Variants in ASAH1 observed in about 807,000 individuals in gnomAD.
ASAH1 encodes acid ceramidase.
In ASAH1, 70 loss-of-function variants were observed where a neutral mutation model predicts 59.5. The ratio of observed to expected loss-of-function variants is 1.18; its 90% CI spans 0.97 to 1.43. ASAH1 has a LOEUF of 1.43. Ranked by LOEUF, ASAH1 falls within the 40% of genes most tolerant of loss-of-function variation. The probability of loss-of-function intolerance (pLI) is 0.00; values close to 1 mark genes in which losing one functional copy is unlikely to be tolerated. For missense variants in ASAH1, 660 were observed against 482.5 expected (o/e 1.37, Z -3.45); for synonymous variants, 213 against 166.5 (o/e 1.28, Z -2.15).
chr8:18,062,952 C>A (rs1466788614), intron 7 of ASAH1: 1 of 474,202 alleles, frequency 2.1e-6, no homozygotes, highest in Non-Finnish European at 3.8e-6. Context: ...CTCACTGCAA[C>A]CTCCGCCTCG....
At chr8:18,084,761 G>A (rs1800825972), upstream of ASAH1, 1 of 1,613,676 alleles carries the variant, frequency 6.2e-7, no homozygotes, top group Non-Finnish European at 8.5e-7. Context: ...GGCCCGGTGG[G>A]ACCCGCGAGC....
chr8:18,062,939 C>T (rs1478846905), intron 7 of ASAH1: 7 of 437,736 alleles, frequency 1.6e-5, no homozygotes, highest in East Asian at 4.7e-5. Context: ...GGCGCGATCT[C>T]GGCTCACTGC....
At chr8:18,064,431 C>G in intron 6 of ASAH1, 26 bp downstream of exon 6, 922 of 1,172,538 alleles carry the variant, frequency 7.9e-4, no homozygotes, top group Non-Finnish European at 1.1e-3. Flanking sequence ...CTTCATGCTG[C>G]CCACCCTCCC....
In ASAH1 at chr8:18,059,377, C is replaced by A; in HGVS notation, c.1005G>T (p.Thr335=). The A allele has an allele frequency of 1.2e-6, 2 of 1,614,198 alleles. No homozygotes were observed. Among genetic ancestry groups the A allele is most frequent in the African/African-American group, 1.3e-5 (1 of 75,050 alleles). ...KHPFFLDDRR[T]PAKMCLNRTS... is the part of the protein sequence containing the mutation. ...TGCGGTTCAGACACATCTTTGCAGGCGTTCTGCGATCATCAAGGAAGAAGG... is the reference window on the plus strand; with the variant it reads ...TGCGGTTCAGACACATCTTTGCAGGAGTTCTGCGATCATCAAGGAAGAAGG... The change falls in exon 12 of 14, where the codon ACG becomes ACT. Residue 335 remains threonine (T), a synonymous_variant. Coordinates refer to ENST00000637790, the MANE Select transcript of ASAH1 (RefSeq NM_177924.5).
At chr8:18,067,409 A>G (rs969094106) in intron 4 of ASAH1, 111 bp from the exon 5 acceptor site, 3 of 682,718 alleles carry the variant, frequency 4.4e-6, no homozygotes, top group Non-Finnish European at 2.1e-6. Context: ...GTTCTTGGAC[A>G]TATAATTTTT....
intron 1 of ASAH1, among the ~76,000 whole-genome samples, chr8:18,079,609 A>C (rs953097231): frequency 6.6e-6 from 1 of 152,198 alleles, no homozygotes; most frequent in African/African-American, 2.4e-5. Flanking sequence ...AAAGTCCAGA[A>C]AGCCCTTGTG....
In ASAH1 at chr8:18,057,464, G is replaced by T; in HGVS notation, c.*70C>A. ...TTAGTCTTTGGAAGGTCAGACAGCT[G>T]CAGTGTTCGGTCACATGGAGATGGT... On this transcript the variant is annotated 3_prime_UTR_variant, in exon 14 of 14. Coordinates refer to ENST00000637790, the MANE Select transcript of ASAH1 (RefSeq NM_177924.5). The T allele has an allele frequency of 8.1e-7, 1 of 1,232,594 alleles. No individual in the cohort carries two copies. Among genetic ancestry groups the T allele is most frequent in the Non-Finnish European group, 1.2e-6 (1 of 854,124 alleles). The allele number at this position is 1,232,594 out of a possible 1,614,324, so 76.4% of individuals were successfully genotyped here.
intron 1 of ASAH1, chr8:18,082,462 G>T (rs1235994138): frequency 2.0e-5 from 3 of 152,088 alleles, no homozygotes; most frequent in African/African-American, 7.2e-5. Flanking sequence ...TCTGAGACAT[G>T]ACACACCAAG....
intron 9 of ASAH1, 82 bp from the exon 10 acceptor site, chr8:18,061,540 A>C: frequency 6.9e-7 from 1 of 1,444,008 alleles, no homozygotes; most frequent in Non-Finnish European, 9.8e-7. Flanking sequence ...GCTGGACTAT[A>C]TAACCAGTCA....
At chr8:18,074,740 C>T (rs1800321797) in intron 2 of ASAH1, among the ~76,000 whole-genome samples, 1 of 152,196 alleles carries the variant, frequency 6.6e-6, no homozygotes, top group Non-Finnish European at 1.5e-5. Context: ...TAATGTTAAA[C>T]ACACTGAATC....
chr8:18,084,765 C>A (rs529007086), upstream of ASAH1: 14 of 1,613,506 alleles, frequency 8.7e-6, no homozygotes, highest in African/African-American at 1.3e-5. Context: ...CGGTGGGACC[C>A]GCGAGCTTTC....
At chr8:18,080,705 G>A (rs1036354214) in intron 1 of ASAH1, among the ~76,000 whole-genome samples, 4 of 152,062 alleles carry the variant, frequency 2.6e-5, no homozygotes, top group Non-Finnish European at 4.4e-5. Context: ...CTACAGGCGT[G>A]AGCCACTATG....
chr8:18,058,222 G>A (rs1165191847), intron 13 of ASAH1: 1 of 153,674 alleles, frequency 6.5e-6, no homozygotes, highest in Non-Finnish European at 1.4e-5. Context: ...GAGCCAGGGT[G>A]ACCTGGATGC....
At position 18,078,652 on chromosome 8, in the gene ASAH1, T is replaced by TA. The variant is rs1395997246; in HGVS notation, c.79-3066dup. Among the ~76,000 whole-genome samples, 6 of 152,298 alleles carry TA rather than the reference T, an allele frequency of 3.9e-5. No individual in the cohort carries two copies. In the East Asian group the frequency reaches 1.2e-3, roughly 29 times the overall value. On this transcript the variant is annotated intron_variant, in intron 1 of 13. Coordinates refer to ENST00000637790, the MANE Select transcript of ASAH1 (RefSeq NM_177924.5). ...CCCTAAAACAGAATTATAATGAACT[T>TA]ACTTAATGTTATTTAAAGTTCCTTA...
Position 18,063,233 on chromosome 8 carries a change from A to G in ASAH1, c.458-3T>C, listed in dbSNP as rs1292933041. On this transcript the variant is annotated splice_region_variant and splice_polypyrimidine_tract_variant and intron_variant, in intron 6 of 13. Coordinates refer to ENST00000637790, the MANE Select transcript of ASAH1 (RefSeq NM_177924.5). ...GTTTCTCCCATGTATTAGATGACCT[A>G]TTTGAAGGTAGACAGAAGAGACGTG... 1.9e-6 allele frequency: 3 copies of G among 1,612,716 alleles called. No homozygotes were observed. Among genetic ancestry groups the G allele is most frequent in the African/African-American group, 2.7e-5 (2 of 74,882 alleles).
chr8:18,077,980 T>G (rs900439761), intron 1 of ASAH1, among the ~76,000 whole-genome samples: 2 of 152,188 alleles, frequency 1.3e-5, no homozygotes, highest in African/African-American at 2.4e-5. Context: ...CATTAGTGAC[T>G]TGTAGAAAGT....
intron 9 of ASAH1, 85 bp downstream of exon 9, chr8:18,061,601 G>A: frequency 6.7e-7 from 1 of 1,493,040 alleles, no homozygotes; most frequent in African/African-American, 1.4e-5. Flanking sequence ...GGAAGAGGTT[G>A]GACTTTGTAA....
chr8:18,058,655 A>G lies in ASAH1; in HGVS notation c.1098+180T>C, dbSNP rs1799565479. The G allele has an allele frequency of 3.9e-5, 24 of 622,536 alleles. No homozygotes were observed. In the South Asian group the frequency reaches 4.5e-4, roughly 12 times the overall value. The allele number at this position is 622,536 out of a possible 1,614,324, so 38.6% of individuals were successfully genotyped here. A position where few individuals can be genotyped will look rare whatever the true frequency, so the allele number is the denominator to read the frequency against. Reference sequence around the variant, plus strand: ...CTGACCTATCAAGCCTCAGTGATCAATTTCTTTCTTGTATTCCAAAATACA... The same window carrying G: ...CTGACCTATCAAGCCTCAGTGATCAGTTTCTTTCTTGTATTCCAAAATACA... On this transcript the variant is annotated intron_variant, in intron 13 of 13. Coordinates refer to ENST00000637790, the MANE Select transcript of ASAH1 (RefSeq NM_177924.5).
At chr8:18,077,926 A>G (rs530095224) in intron 1 of ASAH1, among the ~76,000 whole-genome samples, 1 of 152,274 alleles carries the variant, frequency 6.6e-6, no homozygotes, top group African/African-American at 2.4e-5. Context: ...ACTTAACCCA[A>G]GTGCTTAATT....
Sources: gnomAD v4.1 joint callset for allele counts (sites outside exome capture counted in the v4.1 genomes callset) on GRCh38, gnomAD v4.1.1 for gene constraint, MANE v1.5 for transcripts, NCBI Gene and HGNC (gene_info 2026-07-23, HGNC 2026-07-21) for gene names.